Variants in PLEKHG4B observed in about 807,000 individuals in gnomAD.
The protein encoded by PLEKHG4B is pleckstrin homology and RhoGEF domain containing G4B, also known as pleckstrin homology domain-containing family G member 4B.
Under a neutral mutation model 121.3 loss-of-function variants are expected in PLEKHG4B, and 111 were observed. The ratio of observed to expected loss-of-function variants is 0.92; its 90% CI spans 0.78 to 1.07. The LOEUF is 1.07. PLEKHG4B is among the 50% of genes least tolerant of loss of function. PLEKHG4B has a pLI of 0.00. For missense variants in PLEKHG4B, 1,831 were observed against 1,757.8 expected, an observed-to-expected ratio of 1.04 and a Z score of -0.74; for synonymous variants, 738 against 725.0, an observed-to-expected ratio of 1.02 and a Z score of -0.29.
chr5:132,792 C>T (rs1006970349), intron 2 of PLEKHG4B, among the ~76,000 whole-genome samples: 19 of 152,074 alleles, frequency 1.2e-4, no homozygotes, highest in African/African-American at 4.3e-4. Flanking sequence ...TTTAGTGACT[C>T]TGGCCTTATA....
Position 140,327 on chromosome 5 carries a change from C to T in PLEKHG4B, c.1088C>T (p.Pro363Leu). 1 of 1,524,516 alleles carries T rather than the reference C, an allele frequency of 6.6e-7. No individual in the cohort carries two copies. Among genetic ancestry groups the T allele is most frequent in the Admixed American group, 2.2e-5 (1 of 45,298 alleles). The allele number at this position is 1,524,516 out of a possible 1,614,324, so 94.4% of individuals were successfully genotyped here. A position where few individuals can be genotyped will look rare whatever the true frequency, so the allele number is the denominator to read the frequency against. Reference sequence around the variant, plus strand: ...TCGTACATGGAAGCCTTGCGGAACCCCATGCCCCTGGGCAGCTCTGAGGAG... The same window carrying T: ...TCGTACATGGAAGCCTTGCGGAACCTCATGCCCCTGGGCAGCTCTGAGGAG... ...RESYMEALRN[P>L]MPLGSSEEAL... Residue 363 changes from proline (P) to leucine (L), a missense_variant, in exon 3 of 20, where the codon CCC (proline) becomes CTC (leucine). By Grantham distance (98) the Pro-to-Leu change is moderately conservative (BLOSUM62 -3). Coordinates refer to ENST00000637938, the MANE Select transcript of PLEKHG4B (RefSeq NM_052909.5).
rs368819636 is a variant in PLEKHG4B, at chr5:143,414, G to C, written c.1722G>C (p.Gln574His). 46 of 1,612,874 alleles carry C rather than the reference G, an allele frequency of 2.9e-5. No individual in the cohort carries two copies. In the East Asian group the frequency reaches 9.8e-4, roughly 34 times the overall value. ...ACCGTCATGGCAGAGCAGTGGTGCAGGTCCGCACCAGGAGCCTGCTCTGGA... is the reference window on the plus strand; with the variant it reads ...ACCGTCATGGCAGAGCAGTGGTGCACGTCCGCACCAGGAGCCTGCTCTGGA... ...TRDRHGRAVV[Q>H]VRTRSLLWTR... The change falls in exon 5 of 20, where the codon CAG becomes CAC. Residue 574 changes from glutamine to histidine, a missense_variant. Gln to His is a conservative substitution (Grantham distance 24, BLOSUM62 0). Coordinates refer to ENST00000637938, the MANE Select transcript of PLEKHG4B (RefSeq NM_052909.5).
chr5:155,528 T>C, intron 9 of PLEKHG4B, 85 bp downstream of exon 9: 1 of 1,016,330 alleles, frequency 9.8e-7, no homozygotes, highest in African/African-American at 1.6e-5. Flanking sequence ...AAAATAAATA[T>C]TTGGTTCACT....
At chr5:93,322 C>T (rs1473329970) in intron 1 of PLEKHG4B, among the ~76,000 whole-genome samples, 2 of 152,070 alleles carry the variant, frequency 1.3e-5, no homozygotes, top group Non-Finnish European at 2.9e-5. Context: ...CTTTCAATTT[C>T]CCTGAGCCTG....
At chr5:134,918 G>A (rs545648287) in intron 2 of PLEKHG4B, among the ~76,000 whole-genome samples, 3 of 152,060 alleles carry the variant, frequency 2.0e-5, no homozygotes, top group African/African-American at 4.8e-5. Flanking sequence ...GGCCGGGCAC[G>A]GTGGCTCATG....
intron 16 of PLEKHG4B, among the ~76,000 whole-genome samples, chr5:172,590 G>C (rs113600248): frequency 6.6e-6 from 1 of 152,240 alleles, no homozygotes; most frequent in Admixed American, 6.5e-5. Flanking sequence ...GGGCCGGGGT[G>C]GGGGTGTGGG....
chr5:171,373 G>A lies in PLEKHG4B; in HGVS notation c.3979G>A (p.Glu1327Lys), dbSNP rs779609739. 8 of 1,611,222 alleles carry A rather than the reference G, an allele frequency of 5.0e-6. No homozygotes were observed. Among genetic ancestry groups the A allele is most frequent in the South Asian group, 3.3e-5 (3 of 91,046 alleles). Residue 1327 changes from glutamate to lysine, a missense_variant, in exon 16 of 20, where the codon GAG becomes AAG. Coordinates refer to ENST00000637938, the MANE Select transcript of PLEKHG4B (RefSeq NM_052909.5). ...GQELGELRAAEVVVCFQLRHG... is the reference protein window; with the variant it reads ...GQELGELRAAKVVVCFQLRHG... ...GGAGCTGGGCGAGCTCCGAGCCGCC[G>A]AGGTCGTGGTCTGCTTCCAGCTGCG...
rs116241236 is a variant in PLEKHG4B at position 140,601 on chromosome 5, C to T, written c.1362C>T (p.Ala454=). Residue 454 remains alanine (A), a synonymous_variant, in exon 3 of 20, where the codon GCC becomes GCT. Coordinates refer to ENST00000637938, the MANE Select transcript of PLEKHG4B (RefSeq NM_052909.5). ...GCTCCAGAGGGGCCCAGGCTGCAGC[C>T]TGCCACACCTCCCACCACTCAGCAG... is the stretch of plus-strand genomic sequence containing the variant. The part of the protein sequence containing the change: ...PRSSRGAQAA[A]CHTSHHSAGS... The T allele has an allele frequency of 6.1e-5, 99 of 1,610,744 alleles. 2 individuals carry two copies. The African/African-American group carries it at 9.3e-4, about 15-fold the overall frequency.
chr5:139,577 G>C lies in PLEKHG4B; in HGVS notation c.338G>C (p.Arg113Thr). The C allele has an allele frequency of 2.5e-6, 1 of 399,010 alleles. No individual in the cohort carries two copies. Among genetic ancestry groups the C allele is most frequent in the Non-Finnish European group, 4.4e-6 (1 of 226,158 alleles). 24.7% of individuals were successfully genotyped at this position (399,010 alleles called of 1,614,324 possible). A position where few individuals can be genotyped will look rare whatever the true frequency, so the allele number is the denominator to read the frequency against. The change falls in exon 3 of 20, where the codon AGG becomes ACG. Residue 113 changes from arginine (R) to threonine (T), a missense_variant. Physicochemically the swap from Arg to Thr is moderately conservative, Grantham distance 71. Transcript: ENST00000637938. The surrounding 1 kb of genome is among the most constrained non-coding windows in gnomAD (Gnocchi z 5.0). Reference sequence around the variant, plus strand: ...CAGCTGGCGTCCCTGCACGGAGTCAGGCTCCAGCCCGGGGACTTCTACCTG... The same window carrying C: ...CAGCTGGCGTCCCTGCACGGAGTCACGCTCCAGCCCGGGGACTTCTACCTG... Reference protein sequence around the residue: ...VVQLASLHGVRLQPGDFYLQV... With the variant: ...VVQLASLHGVTLQPGDFYLQV...
At chr5:122,989 A>G (rs1042252460) in intron 2 of PLEKHG4B, among the ~76,000 whole-genome samples, 3 of 152,210 alleles carry the variant, frequency 2.0e-5, no homozygotes, top group African/African-American at 7.2e-5. Flanking sequence ...TCAGCAATTC[A>G]TAGAACAATT....
chr5:113,771 C>T lies in PLEKHG4B; in HGVS notation c.243+323C>T, dbSNP rs893587871. On this transcript the variant is annotated intron_variant, in intron 2 of 19. Transcript: ENST00000637938. This position sits in a 1 kb window ranked among gnomAD's most constrained non-coding sequence, Gnocchi z 5.2. ...TAAGTTACTACAGCAGTCACAATGCCGGCCCACCTGGAAGGGACTGTACTG... is the reference window on the plus strand; with the variant it reads ...TAAGTTACTACAGCAGTCACAATGCTGGCCCACCTGGAAGGGACTGTACTG... 2.0e-5 allele frequency among the ~76,000 whole-genome samples: 3 copies of T among 152,098 alleles called. No individual in the cohort carries two copies. Among genetic ancestry groups the T allele is most frequent in the Non-Finnish European group, 2.9e-5 (2 of 68,026 alleles).
At chr5:111,289 C>T (rs566805446) in intron 1 of PLEKHG4B, among the ~76,000 whole-genome samples, 1 of 152,352 alleles carries the variant, frequency 6.6e-6, no homozygotes, top group East Asian at 1.9e-4. Context: ...AGGCAGCTTC[C>T]CTGGGGCAGC....
intron 2 of PLEKHG4B, among the ~76,000 whole-genome samples, chr5:120,682 A>G (rs1438949656): frequency 6.6e-6 from 1 of 152,208 alleles, no homozygotes; most frequent in East Asian, 1.9e-4. Context: ...GCCTAACAGA[A>G]GAAAGAACAT....
chr5:122,677 C>T (rs147970612), intron 2 of PLEKHG4B, among the ~76,000 whole-genome samples: 275 of 152,210 alleles, frequency 1.8e-3, no homozygotes, highest in African/African-American at 6.4e-3. Flanking sequence ...GCCTCGGCCT[C>T]CCAAAGTGCT....
At position 140,697 on chromosome 5, in the gene PLEKHG4B, C is replaced by T. The variant is rs201743310; in HGVS notation, c.1458C>T (p.Pro486=). 5.1e-5 allele frequency: 81 copies of T among 1,578,350 alleles called. No individual in the cohort carries two copies. In the Middle Eastern group the frequency reaches 5.2e-4, roughly 10 times the overall value. Residue 486 remains proline, a synonymous_variant, in exon 3 of 20, where the codon CCC becomes CCT. Transcript: ENST00000637938. ...CAAACTGTGTCCCAGTAGAGGGTCC[C>T]GGCTGCACCAAAGAGGAAGGTAAAT... ...GTPNCVPVEG[P]GCTKEEDVLA...
intron 2 of PLEKHG4B, among the ~76,000 whole-genome samples, chr5:138,405 A>T (rs1200819689): frequency 1.3e-5 from 2 of 152,340 alleles, no homozygotes; most frequent in Non-Finnish European, 1.5e-5. Context: ...CCACCTAGGG[A>T]TGCTCATACT....
chr5:123,328 A>C (rs1422252537), intron 2 of PLEKHG4B, among the ~76,000 whole-genome samples: 1 of 152,330 alleles, frequency 6.6e-6, no homozygotes, highest in Middle Eastern at 3.4e-3. Context: ...AAAAGATTAC[A>C]ATGTCCATAA....
In PLEKHG4B at chr5:184,335, C is replaced by T. The variant is rs1250675946; in HGVS notation, c.*2012C>T. 6.6e-6 allele frequency: 1 copy of T among 152,140 alleles called. No homozygotes were observed. The highest frequency in any genetic ancestry group is 2.4e-5 in the African/African-American group (1 of 41,408). 9.4% of individuals were successfully genotyped at this position (152,140 alleles called of 1,614,324 possible). A position where few individuals can be genotyped will look rare whatever the true frequency, so the allele number is the denominator to read the frequency against. ...CAGTGATAAACAGAAAATCCTAAAACCAGTCAGAGGACAAGGGCATGTTCT... is the reference window on the plus strand; with the variant it reads ...CAGTGATAAACAGAAAATCCTAAAATCAGTCAGAGGACAAGGGCATGTTCT... On this transcript the variant is annotated 3_prime_UTR_variant, in exon 20 of 20. Coordinates refer to ENST00000637938, the MANE Select transcript of PLEKHG4B (RefSeq NM_052909.5).
chr5:141,857 C>T (rs1036527649), intron 3 of PLEKHG4B, among the ~76,000 whole-genome samples: 1 of 152,002 alleles, frequency 6.6e-6, no homozygotes, highest in African/African-American at 2.4e-5. Context: ...CAGGCTGAGC[C>T]CTCCTTTCCG....
Sources: gnomAD v4.1 joint callset for allele counts (sites outside exome capture counted in the v4.1 genomes callset) on GRCh38, gnomAD v4.1.1 for gene constraint, Gnocchi (gnomAD v3.1) non-coding constraint, MANE v1.5 for transcripts, NCBI Gene and HGNC (gene_info 2026-07-23, HGNC 2026-07-21) for gene names.